Variants in CFAP263 observed in about 807,000 individuals in gnomAD.
CFAP263 encodes cilia and flagella associated protein 263, also known as cilia- and flagella-associated protein 263.
At chr16:58,262,571 C>A in the CFAP263 span, 1 of 1,562,910 alleles carries the variant, frequency 6.4e-7, no homozygotes, top group Non-Finnish European at 8.7e-7. Context: ...CAGGGCTCCC[C>A]CAAGGCTTTC....
the CFAP263 span, among the ~76,000 whole-genome samples, chr16:58,260,608 C>T: frequency 0.081 from 12,252 of 152,198 alleles, 688 homozygotes; most frequent in East Asian, 0.13. Flanking sequence ...TCTAGCATCG[C>T]CATCAGCTGA....
chr16:58,263,727 C>T, the CFAP263 span, among the ~76,000 whole-genome samples: 4 of 152,216 alleles, frequency 2.6e-5, no homozygotes, highest in South Asian at 2.1e-4. Context: ...CCTGCAATCC[C>T]AGCACTTTGG....
chr16:58,258,227 A>G, the CFAP263 span: 119 of 634,928 alleles, frequency 1.9e-4, no homozygotes, highest in African/African-American at 2.0e-3. Flanking sequence ...TCAAGTTTGT[A>G]TCTTAAGGAT....
chr16:58,280,895 A>C, the CFAP263 span: 1 of 762,250 alleles, frequency 1.3e-6, no homozygotes, highest in African/African-American at 1.7e-5. Context: ...ATAGGATACA[A>C]TTTCAAATCT....
At chr16:58,262,299 G>A in the CFAP263 span, 9 of 1,288,880 alleles carry the variant, frequency 7.0e-6, no homozygotes, top group Non-Finnish European at 9.8e-6. Context: ...GACCTCCAAA[G>A]TCTTGTCAAG....
the CFAP263 span, among the ~76,000 whole-genome samples, chr16:58,265,212 T>C: frequency 2.0e-5 from 3 of 152,220 alleles, no homozygotes; most frequent in Non-Finnish European, 2.9e-5. Flanking sequence ...ACTGTGAATA[T>C]GATGGATTCA....
the CFAP263 span, among the ~76,000 whole-genome samples, chr16:58,253,070 A>G: frequency 1.3e-5 from 2 of 152,236 alleles, no homozygotes; most frequent in East Asian, 3.9e-4. Context: ...CTCCCAGCAT[A>G]TCTTAGTTTA....
chr16:58,267,598 C>A, the CFAP263 span: 4 of 1,503,560 alleles, frequency 2.7e-6, no homozygotes, highest in Non-Finnish European at 3.7e-6. Flanking sequence ...TAGGAGAGAG[C>A]AAAATGTGGT....
At chr16:58,255,208 C>T in the CFAP263 span, among the ~76,000 whole-genome samples, 8 of 152,144 alleles carry the variant, frequency 5.3e-5, no homozygotes, top group Admixed American at 3.3e-4. Flanking sequence ...GGTACAAGTC[C>T]GAGGGTCTAA....
At chr16:58,272,079 A>C in the CFAP263 span, among the ~76,000 whole-genome samples, 1 of 148,792 alleles carries the variant, frequency 6.7e-6, no homozygotes, top group Non-Finnish European at 1.5e-5. Flanking sequence ...CAGTGGCGTG[A>C]TCTCGGCTCA....
chr16:58,278,390 T>C, the CFAP263 span: 641 of 1,155,648 alleles, frequency 5.5e-4, 1 homozygote, highest in Non-Finnish European at 7.1e-4. Context: ...TGGAACTCTA[T>C]TGGAACTATG....
At chr16:58,257,882 C>T in the CFAP263 span, among the ~76,000 whole-genome samples, 79 of 151,764 alleles carry the variant, frequency 5.2e-4, no homozygotes, top group African/African-American at 1.7e-3. Context: ...CCGAGGTGGG[C>T]GGATCACCTG....
the CFAP263 span, among the ~76,000 whole-genome samples, chr16:58,263,524 C>T: frequency 4.6e-5 from 7 of 152,282 alleles, 1 homozygote; most frequent in East Asian, 1.9e-4. Context: ...GCCGACCCCT[C>T]GCATAGTGCT....
chr16:58,256,701 C>T, the CFAP263 span, among the ~76,000 whole-genome samples: 1 of 152,094 alleles, frequency 6.6e-6, no homozygotes, highest in East Asian at 1.9e-4. Flanking sequence ...GATGTTCTAC[C>T]ATGTGGAGAT....
At chr16:58,266,888 G>T in the CFAP263 span, among the ~76,000 whole-genome samples, 2 of 152,176 alleles carry the variant, frequency 1.3e-5, no homozygotes, top group East Asian at 3.9e-4. Flanking sequence ...GCGATGAGAT[G>T]GTGGTGGAGC....
At chr16:58,261,514 T>C in the CFAP263 span, among the ~76,000 whole-genome samples, 54 of 152,244 alleles carry the variant, frequency 3.5e-4, no homozygotes, top group Non-Finnish European at 6.5e-4. Context: ...TGGGCAGCAG[T>C]GTCACGAGAA....
chr16:58,277,048 C>G, the CFAP263 span, among the ~76,000 whole-genome samples: 1 of 152,054 alleles, frequency 6.6e-6, no homozygotes, highest in East Asian at 1.9e-4. Context: ...GGGAGCTTGC[C>G]ACAGTGTACC....
the CFAP263 span, among the ~76,000 whole-genome samples, chr16:58,276,864 T>C: frequency 6.6e-6 from 1 of 152,192 alleles, no homozygotes; most frequent in Non-Finnish European, 1.5e-5. Context: ...ATCTTCAAGA[T>C]TTATTGAGTG....
At chr16:58,279,672 T>A in the CFAP263 span, 1 of 1,501,034 alleles carries the variant, frequency 6.7e-7, no homozygotes, top group Non-Finnish European at 8.8e-7. Flanking sequence ...TTTTCTTTTT[T>A]TCTTTTTTTT....
Sources: gnomAD v4.1 joint callset for allele counts (sites outside exome capture counted in the v4.1 genomes callset) on GRCh38, gnomAD v4.1.1 for gene constraint, MANE v1.5 for transcripts, NCBI Gene and HGNC (gene_info 2026-07-23, HGNC 2026-07-21) for gene names.